The following DISP1 variants were observed in gnomAD, a reference collection of about 807,000 sequenced individuals.
DISP1 encodes dispatched RND transporter family member 1.
In DISP1, 30 loss-of-function variants were observed where a neutral mutation model predicts 37.3. The ratio of observed to expected loss-of-function variants is 0.80; its 90% CI spans 0.60 to 1.09. The LOEUF (loss-of-function observed/expected upper bound fraction) is 1.09, where lower values mean the gene tolerates loss of function less well. Among genes scored for constraint, DISP1 ranks in the 50% least tolerant of loss-of-function variants. The pLI, the probability that DISP1 is intolerant of heterozygous loss-of-function variation, is 0.00. For synonymous variants in DISP1, 634 were observed against 690.2 expected (o/e 0.92, Z 1.28); for missense variants, 1,598 against 1,879.5 (o/e 0.85, Z 2.77).
intron 1 of DISP1, among the ~76,000 whole-genome samples, chr1:222,892,614 G>T (rs1327045166): frequency 1.3e-5 from 2 of 152,136 alleles, no homozygotes; most frequent in Non-Finnish European, 2.9e-5. Context: ...TCCAGTGTTT[G>T]GTATCTGCTA....
rs528735978 is a variant in DISP1, at chr1:223,005,103, A to G, written c.3706A>G (p.Asn1236Asp). ...NLGMPVHAAY[N>D]SELSKSTESD... The stretch of plus-strand genomic sequence containing the variant: ...AGGGATGCCTGTGCATGCAGCTTAC[A>G]ACAGTGAACTCAGCAAAAGCACTGA... Residue 1236 changes from asparagine to aspartate, a missense_variant, in exon 9 of 9, where the codon AAC (asparagine) becomes GAC (aspartate). By Grantham distance (23) the Asn-to-Asp change is conservative. Coordinates refer to ENST00000675850, the MANE Select transcript of DISP1 (RefSeq NM_001377229.1). The G allele has an allele frequency of 6.2e-7, 1 of 1,614,190 alleles. No individual in the cohort carries two copies. Among genetic ancestry groups the G allele is most frequent in the Non-Finnish European group, 8.5e-7 (1 of 1,180,028 alleles).
intron 2 of DISP1, among the ~76,000 whole-genome samples, chr1:222,940,132 A>AG (rs35174802): frequency 0.11 from 17,004 of 151,772 alleles, 1,316 homozygotes; most frequent in Non-Finnish European, 0.16. Flanking sequence ...TCTCAAAAAA[A>AG]AAAAGAAAAG....
At chr1:222,950,506 A>G (rs1002740926) in intron 3 of DISP1, among the ~76,000 whole-genome samples, 2 of 152,086 alleles carry the variant, frequency 1.3e-5, no homozygotes, top group Non-Finnish European at 2.9e-5. Context: ...AGGCTGAGGC[A>G]GGAGAATGGC....
chr1:222,836,639 T>C (rs940289774), intron 1 of DISP1, among the ~76,000 whole-genome samples: 1 of 151,878 alleles, frequency 6.6e-6, no homozygotes, highest in African/African-American at 2.4e-5. Context: ...AATATCAAGG[T>C]CCTTTCCACC....
intron 1 of DISP1, among the ~76,000 whole-genome samples, chr1:222,905,896 C>T (rs1256104630): frequency 6.6e-6 from 1 of 152,114 alleles, no homozygotes; most frequent in Non-Finnish European, 1.5e-5. Flanking sequence ...CTCAAGAGTG[C>T]ATAAAATGTT....
chr1:222,996,294 G>T (rs1038795069), intron 8 of DISP1, among the ~76,000 whole-genome samples: 1 of 152,160 alleles, frequency 6.6e-6, no homozygotes, highest in African/African-American at 2.4e-5. Flanking sequence ...TAACTCTAAA[G>T]TTGTAAATGT....
chr1:222,858,209 G>A (rs1250124394), intron 1 of DISP1, among the ~76,000 whole-genome samples: 1 of 152,076 alleles, frequency 6.6e-6, no homozygotes, highest in Admixed American at 6.5e-5. Context: ...TTTAATAAAT[G>A]GTGCTGGAAT....
At chr1:222,874,915 G>T (rs1271932441) in intron 1 of DISP1, among the ~76,000 whole-genome samples, 1 of 151,966 alleles carries the variant, frequency 6.6e-6, no homozygotes, top group Non-Finnish European at 1.5e-5. Flanking sequence ...CTTTGATGAT[G>T]GTGACATACA....
chr1:222,960,248 A>G (rs1306957118), intron 3 of DISP1, among the ~76,000 whole-genome samples: 3 of 152,234 alleles, frequency 2.0e-5, no homozygotes, highest in Non-Finnish European at 4.4e-5. Context: ...CAGCAAATGC[A>G]GAAGAACTGA....
At chr1:222,944,874 T>C (rs923612384) in intron 3 of DISP1, among the ~76,000 whole-genome samples, 1 of 152,202 alleles carries the variant, frequency 6.6e-6, no homozygotes, top group African/African-American at 2.4e-5. Context: ...CACTTCTGAT[T>C]AAAGAGTCAG....
chr1:222,872,732 G>T (rs1669662847), intron 1 of DISP1, among the ~76,000 whole-genome samples: 1 of 152,100 alleles, frequency 6.6e-6, no homozygotes, highest in Non-Finnish European at 1.5e-5. Flanking sequence ...CCAGCTCCTG[G>T]ATTCACTGAT....
At chr1:222,924,433 C>G (rs1572520780) in intron 1 of DISP1, among the ~76,000 whole-genome samples, 1 of 152,184 alleles carries the variant, frequency 6.6e-6, no homozygotes. Flanking sequence ...GTGATGAGTT[C>G]AAGGTTACAT....
At chr1:222,913,644 C>T (rs1398558043) in intron 1 of DISP1, among the ~76,000 whole-genome samples, 2 of 151,864 alleles carry the variant, frequency 1.3e-5, no homozygotes. Context: ...TGGTGTCCCA[C>T]GCTTGTAATA....
intron 1 of DISP1, among the ~76,000 whole-genome samples, chr1:222,849,668 ATACTTCTGTGTACACTTT>A (rs1430819094): frequency 6.6e-6 from 1 of 152,216 alleles, no homozygotes; most frequent in Non-Finnish European, 1.5e-5. Flanking sequence ...GTTACAGGCC[ATACTTCTGTGTACACTTT>A]TGAAAATATT....
chr1:222,835,737 G>A (rs1307646731), intron 1 of DISP1, among the ~76,000 whole-genome samples: 1 of 151,762 alleles, frequency 6.6e-6, no homozygotes, highest in Non-Finnish European at 1.5e-5. Context: ...GGATTACCTA[G>A]TATCAGGAGT....
chr1:222,951,875 G>A (rs966994482), intron 3 of DISP1, among the ~76,000 whole-genome samples: 13 of 152,206 alleles, frequency 8.5e-5, no homozygotes, highest in African/African-American at 2.4e-4. Context: ...CAGAATAGCT[G>A]TTGTATTCTC....
intron 1 of DISP1, among the ~76,000 whole-genome samples, chr1:222,903,157 T>C (rs1671694829): frequency 6.6e-6 from 1 of 151,622 alleles, no homozygotes; most frequent in African/African-American, 2.4e-5. Context: ...TATAGGGACA[T>C]GGATGAAACT....
At chr1:222,921,205 A>T (rs968805419) in intron 1 of DISP1, among the ~76,000 whole-genome samples, 1 of 152,166 alleles carries the variant, frequency 6.6e-6, no homozygotes, top group Non-Finnish European at 1.5e-5. Context: ...GCTACTCGGG[A>T]GGCTGAGGCA....
intron 2 of DISP1, among the ~76,000 whole-genome samples, chr1:222,937,670 G>T (rs1400141219): frequency 6.6e-6 from 1 of 151,922 alleles, no homozygotes; most frequent in Non-Finnish European, 1.5e-5. Flanking sequence ...TAAAATAGGG[G>T]ATATGAGATT....
Sources: allele counts gnomAD v4.1 joint callset (sites outside exome capture counted in the v4.1 genomes callset), GRCh38; gene constraint gnomAD v4.1.1; transcripts MANE v1.5; gene names NCBI Gene and HGNC (gene_info 2026-07-23, HGNC 2026-07-21).